KIF11: variants seen among roughly 807,000 people sequenced by gnomAD.
KIF11 encodes the protein kinesin-like protein KIF11.
A neutral mutation model predicts 121.0 loss-of-function variants in KIF11; 9 were observed. That is an observed-to-expected ratio of 0.07 (90% CI 0.04 to 0.13). The LOEUF (loss-of-function observed/expected upper bound fraction) is 0.13, where lower values mean the gene tolerates loss of function less well. Among genes scored for constraint, KIF11 ranks in the 10% least tolerant of loss-of-function variants. The pLI, the probability that KIF11 is intolerant of heterozygous loss-of-function variation, is 1.00. For missense variants in KIF11, 846 were observed against 1,217.5 expected (o/e 0.69, Z 4.54); for synonymous variants, 408 against 421.0 (o/e 0.97, Z 0.38).
intron 21 of KIF11, among the ~76,000 whole-genome samples, chr10:92,651,447 T>C (rs567151053): frequency 6.8e-6 from 1 of 147,124 alleles, no homozygotes; most frequent in East Asian, 2.1e-4. Flanking sequence ...GTGATTCTCC[T>C]GCCTCAGCCT....
intron 1 of KIF11, chr10:92,596,972 C>T: frequency 2.7e-6 from 1 of 370,232 alleles, no homozygotes. Context: ...TACAGAAGTC[C>T]AGGCTGTAGA....
rs767310414 is a variant in KIF11 at position 92,633,973 on chromosome 10, A to ATTTTG, written c.1875+197_1875+201dup. ...ACTGTGAGAGACTACATATATATATATTTTGTTTTGTTTTGTTTTGTTTGT... is the reference window on the plus strand; with the variant it reads ...ACTGTGAGAGACTACATATATATATATTTTGTTTTGTTTTGTTTTGTTTTGTTTGT... On this transcript the variant is annotated intron_variant, in intron 14 of 21. Coordinates refer to ENST00000260731, the MANE Select transcript of KIF11 (RefSeq NM_004523.4). 8.0e-4 allele frequency among the ~76,000 whole-genome samples: 122 copies of ATTTTG among 152,014 alleles called. 1 individual carries two copies. Among genetic ancestry groups the ATTTTG allele is most frequent in the Non-Finnish European group, 1.2e-3 (84 of 67,980 alleles).
intron 1 of KIF11, among the ~76,000 whole-genome samples, chr10:92,602,817 C>G (rs1414684663): frequency 8.9e-6 from 1 of 112,722 alleles, no homozygotes; most frequent in Admixed American, 8.5e-5. Flanking sequence ...AACACACACA[C>G]ACACACACGT....
rs765203017 is a variant in KIF11 at position 92,630,270 on chromosome 10, A to G, written c.1400A>G (p.His467Arg). Residue 467 changes from histidine to arginine, a missense_variant, in exon 12 of 22, where the codon CAT becomes CGT. This residue lies in a region of KIF11 where 95 missense variants were observed against 109.3 expected (regional missense o/e 0.87). Coordinates refer to ENST00000260731, the MANE Select transcript of KIF11 (RefSeq NM_004523.4). ...CAAGAACTTGAAACCACTCAAAAAC[A>G]TTTGCAAGAAACTAAATTACAACTT... ...KTQELETTQK[H>R]LQETKLQLVK... The G allele has an allele frequency of 5.6e-5, 90 of 1,610,652 alleles. 3 individuals carry two copies. In the South Asian group the frequency reaches 9.6e-4, roughly 17 times the overall value.
chr10:92,613,625 C>A lies in KIF11; in HGVS notation c.1032+6C>A. On this transcript the variant is annotated splice_donor_region_variant and intron_variant, in intron 8 of 21. Coordinates refer to ENST00000260731, the MANE Select transcript of KIF11 (RefSeq NM_004523.4). This position sits in a 1 kb window ranked among gnomAD's most constrained non-coding sequence, Gnocchi z 4.2. ...CTGCATCTCTCAATCTTGAGGTAAG[C>A]CCTTTGAAAGGAAGCTGCAAGTGTA... 1 of 1,601,170 alleles carries A rather than the reference C, an allele frequency of 6.2e-7. No homozygotes were observed. The highest frequency in any genetic ancestry group is 8.5e-7 in the Non-Finnish European group (1 of 1,174,776).
At chr10:92,615,306 T>C (rs1157181287) in intron 8 of KIF11, among the ~76,000 whole-genome samples, 2 of 151,992 alleles carry the variant, frequency 1.3e-5, no homozygotes, top group East Asian at 2.0e-4. Context: ...CTCAGGAGGC[T>C]GAGGCGGGAG....
chr10:92,650,398 T>C lies in KIF11; in HGVS notation c.2923-3T>C, dbSNP rs377018771. On this transcript the variant is annotated splice_polypyrimidine_tract_variant and splice_region_variant and intron_variant, in intron 20 of 21. Coordinates refer to ENST00000260731, the MANE Select transcript of KIF11 (RefSeq NM_004523.4). Reference sequence around the variant, plus strand: ...TAGTCACTCATCCAGTTTCTTCTTTTAGGATGTGGATGTAGAAGAGGCAGT... The same window carrying C: ...TAGTCACTCATCCAGTTTCTTCTTTCAGGATGTGGATGTAGAAGAGGCAGT... The C allele has an allele frequency of 1.9e-6, 3 of 1,573,196 alleles. No homozygotes were observed. Among genetic ancestry groups the C allele is most frequent in the Non-Finnish European group, 2.6e-6 (3 of 1,142,840 alleles).
chr10:92,639,743 G>T, intron 16 of KIF11, 51 bp from the exon 17 acceptor site: 2 of 973,844 alleles, frequency 2.1e-6, no homozygotes, highest in Non-Finnish European at 3.2e-6. Flanking sequence ...CATAAAAAAT[G>T]TTCAAGTGTC....
At position 92,613,176 on chromosome 10, in the gene KIF11, T is replaced by C; in HGVS notation, c.789+46T>C. ...TACTGTTTCACTCTTAAACACCTTA[T>C]AGAGCAGCTTGAAATTTTGTCCTTG... On this transcript the variant is annotated intron_variant, in intron 7 of 21. Coordinates refer to ENST00000260731, the MANE Select transcript of KIF11 (RefSeq NM_004523.4). This position sits in a 1 kb window ranked among gnomAD's most constrained non-coding sequence, Gnocchi z 4.2. The C allele has an allele frequency of 5.0e-6, 7 of 1,410,170 alleles. No homozygotes were observed. The highest frequency in any genetic ancestry group is 6.9e-6 in the Non-Finnish European group (7 of 1,015,402). The allele number at this position is 1,410,170 out of a possible 1,614,324, so 87.4% of individuals were successfully genotyped here.
chr10:92,616,202 GT>G (rs1185934224), intron 8 of KIF11, among the ~76,000 whole-genome samples: 1 of 149,690 alleles, frequency 6.7e-6, no homozygotes. Context: ...TTTTTGTTTT[GT>G]TTTGTTTTTT....
At chr10:92,651,569 G>T (rs771256206) in intron 21 of KIF11, among the ~76,000 whole-genome samples, 81 of 109,592 alleles carry the variant, frequency 7.4e-4, no homozygotes, top group Non-Finnish European at 1.0e-3. Context: ...GTTTCTCTGT[G>T]TTGGTCAGGC....
chr10:92,606,662 T>C lies in KIF11; in HGVS notation c.254T>C (p.Val85Ala). 1 of 1,598,264 alleles carries C rather than the reference T, an allele frequency of 6.3e-7. No homozygotes were observed. The highest frequency in any genetic ancestry group is 8.6e-7 in the Non-Finnish European group (1 of 1,165,760). Residue 85 changes from valine (V) to alanine (A), a missense_variant, in exon 3 of 22, where the codon GTT (valine) becomes GCT (alanine). Coordinates refer to ENST00000260731, the MANE Select transcript of KIF11 (RefSeq NM_004523.4). ...STKQIDVYRS[V>A]VCPILDEVIM... ...AAACAGATTGATGTTTACCGAAGTG[T>C]TGTTTGTCCAATTCTGGATGAAGTT... is the stretch of plus-strand genomic sequence containing the variant.
chr10:92,648,108 C>CAAAAAAAAAAAA (rs34357393), intron 18 of KIF11, 104 bp from the exon 19 acceptor site: 136 of 685,132 alleles, frequency 2.0e-4, no homozygotes, highest in African/African-American at 7.3e-4. Context: ...GACTTGTCTC[C>CAAAAAAAAAAAA]AAAAAAAAAA....
chr10:92,633,630 G>A lies in KIF11; in HGVS notation c.1710G>A (p.Leu570=). The part of the protein sequence containing the change: ...LEVHKTLFGN[L]LSSSVSALDT... ...TGTTTTTGTTTGTTATAGGTAATCT[G>A]CTGTCTTCCAGTGTCTCTGCATTAG... The change falls in exon 14 of 22, where the codon CTG becomes CTA. Residue 570 remains leucine (L), a synonymous_variant. Transcript: ENST00000260731. The A allele has an allele frequency of 6.2e-7, 1 of 1,600,392 alleles. No homozygotes were observed. Among genetic ancestry groups the A allele is most frequent in the Non-Finnish European group, 8.5e-7 (1 of 1,170,836 alleles).
chr10:92,640,949 C>T (rs1185801634), intron 17 of KIF11, among the ~76,000 whole-genome samples: 4 of 151,832 alleles, frequency 2.6e-5, no homozygotes, highest in East Asian at 3.9e-4. Context: ...GGTTTCGCCA[C>T]GTTGGCCAGG....
intron 14 of KIF11, among the ~76,000 whole-genome samples, chr10:92,634,487 TG>T (rs1475117541): frequency 6.7e-6 from 1 of 148,532 alleles, no homozygotes. Context: ...TTGGTCAGGC[TG>T]GTCTCAAGCT....
At position 92,653,887 on chromosome 10, in the gene KIF11, A is replaced by G. The variant is rs1306838069; in HGVS notation, c.*91A>G. The G allele has an allele frequency of 1.7e-6, 2 of 1,181,892 alleles. No individual in the cohort carries two copies. Among genetic ancestry groups the G allele is most frequent in the Admixed American group, 5.0e-5 (2 of 40,398 alleles). 73.2% of individuals were successfully genotyped at this position (1,181,892 alleles called of 1,614,324 possible). A position where few individuals can be genotyped will look rare whatever the true frequency, so the allele number is the denominator to read the frequency against. ...CTTGAGCCTTGTGTATAGATTTTAA[A>G]AGAATATATATATCAGCCGGGCGCG... On this transcript the variant is annotated 3_prime_UTR_variant, in exon 22 of 22. Transcript: ENST00000260731.
intron 8 of KIF11, among the ~76,000 whole-genome samples, chr10:92,614,040 ACACACACACAC>A (rs1244393804): frequency 6.7e-6 from 1 of 148,202 alleles, no homozygotes; most frequent in Admixed American, 6.7e-5. Context: ...ACACACACAC[ACACACACACAC>A]ACACACACAC....
intron 9 of KIF11, among the ~76,000 whole-genome samples, chr10:92,617,220 A>G (rs923969625): frequency 2.6e-5 from 4 of 152,170 alleles, no homozygotes; most frequent in Non-Finnish European, 4.4e-5. Flanking sequence ...TGTTATCACT[A>G]TCCAGTTTCC....
Sources: allele counts gnomAD v4.1 joint callset (sites outside exome capture counted in the v4.1 genomes callset), GRCh38; gene constraint gnomAD v4.1.1; regional missense constraint gnomAD v4.1.1; non-coding constraint Gnocchi (gnomAD v3.1); transcripts MANE v1.5; gene names NCBI Gene and HGNC (gene_info 2026-07-23, HGNC 2026-07-21).